The following ADCY9 variants were observed in gnomAD, a reference collection of about 807,000 sequenced individuals.
ADCY9 encodes adenylate cyclase 9.
In ADCY9, 50 loss-of-function variants were observed where a neutral mutation model predicts 101.5. That is an observed-to-expected ratio of 0.49 (90% CI 0.39 to 0.62). ADCY9 has a LOEUF of 0.62. Among genes scored for constraint, ADCY9 ranks in the 20% least tolerant of loss-of-function variants. The pLI, the probability that ADCY9 is intolerant of heterozygous loss-of-function variation, is 0.00. For missense variants in ADCY9, 1,662 were observed against 1,800.4 expected (o/e 0.92, Z 1.39); for synonymous variants, 905 against 769.3 (o/e 1.18, Z -2.92).
chr16:3,969,529 A>G (rs61455471), intron 10 of ADCY9, among the ~76,000 whole-genome samples: 16,060 of 131,228 alleles, frequency 0.12, 2,372 homozygotes, highest in African/African-American at 0.34. Flanking sequence ...GTGAGCCACC[A>G]CACCTGGCTG....
intron 2 of ADCY9, among the ~76,000 whole-genome samples, chr16:4,101,936 C>A (rs926821869): frequency 2.6e-5 from 4 of 152,134 alleles, no homozygotes; most frequent in African/African-American, 9.7e-5. Flanking sequence ...CCAAGTTCGG[C>A]AGCTAGAGTT....
In ADCY9 at chr16:4,114,080, G is replaced by C; in HGVS notation, c.1363C>G (p.Arg455Gly). The change falls in exon 2 of 11, where the codon CGG becomes GGG. Residue 455 changes from arginine to glycine, a missense_variant. By Grantham distance (125) the Arg-to-Gly change is moderately radical. Around this residue, in one of 5 missense-constraint regions of ADCY9, gnomAD observed 228 missense variants for 301.1 expected, o/e 0.76. Transcript: ENST00000294016. The surrounding 1 kb of genome is among the most constrained non-coding windows in gnomAD (Gnocchi z 4.3). ...YYCVAGCPEPRADHAYCCIEM... is the reference protein window; with the variant it reads ...YYCVAGCPEPGADHAYCCIEM... Reference sequence around the variant, plus strand: ...ATGCAGCAGTAGGCATGGTCGGCCCGGGGCTCGGGACAGCCCGCCACGCAG... The same window carrying C: ...ATGCAGCAGTAGGCATGGTCGGCCCCGGGCTCGGGACAGCCCGCCACGCAG... 6.2e-7 allele frequency: 1 copy of C among 1,613,784 alleles called. No homozygotes were observed. Among genetic ancestry groups the C allele is most frequent in the Non-Finnish European group, 8.5e-7 (1 of 1,180,022 alleles).
intron 2 of ADCY9, among the ~76,000 whole-genome samples, chr16:4,009,716 A>C (rs919962416): frequency 2.0e-5 from 3 of 152,244 alleles, no homozygotes; most frequent in Admixed American, 2.0e-4. Context: ...GAGTGAAGCC[A>C]TCTTTATACT....
At chr16:4,061,632 A>G (rs2056774009) in intron 2 of ADCY9, among the ~76,000 whole-genome samples, 1 of 152,212 alleles carries the variant, frequency 6.6e-6, no homozygotes, top group African/African-American at 2.4e-5. Context: ...CCCCAAAACT[A>G]ACAAGTAGAA....
rs558992104 is a variant in ADCY9 at position 4,002,135 on chromosome 16, G to T, written c.1884+5233C>A. Among the ~76,000 whole-genome samples, 5 of 152,210 alleles carry T rather than the reference G, an allele frequency of 3.3e-5. No homozygotes were observed. The East Asian group carries it at 7.7e-4, about 23-fold the overall frequency. ...CCCATTTAAAGTATATAACTCCAGGGTTTATAGCATATTCACAGGGATGTG... is the reference window on the plus strand; with the variant it reads ...CCCATTTAAAGTATATAACTCCAGGTTTTATAGCATATTCACAGGGATGTG... On this transcript the variant is annotated intron_variant, in intron 3 of 10. Transcript: ENST00000294016.
At chr16:4,063,694 G>C (rs188608242) in intron 2 of ADCY9, among the ~76,000 whole-genome samples, 1 of 150,914 alleles carries the variant, frequency 6.6e-6, no homozygotes, top group Non-Finnish European at 1.5e-5. Flanking sequence ...CCTGGGCCAC[G>C]GGGCGAGATC....
Position 4,113,817 on chromosome 16 carries a change from C to T in ADCY9, c.1626G>A (p.Arg542=). 2 of 1,614,172 alleles carry T rather than the reference C, an allele frequency of 1.2e-6. No homozygotes were observed. Among genetic ancestry groups the T allele is most frequent in the African/African-American group, 1.3e-5 (1 of 75,042 alleles). Residue 542 remains arginine (R), a synonymous_variant, in exon 2 of 11, where the codon CGG becomes CGA. Transcript: ENST00000294016. ...SEATAKYLDD[R]YEMEDGKVIE... is the part of the protein sequence containing the mutation. The stretch of plus-strand genomic sequence containing the variant: ...TAACTTTCCCATCTTCCATTTCGTA[C>T]CGGTCATCTAAGTATTTTGCGGTGG...
At chr16:4,039,460 T>C (rs1161691554) in intron 2 of ADCY9, among the ~76,000 whole-genome samples, 1 of 151,252 alleles carries the variant, frequency 6.6e-6, no homozygotes, top group Non-Finnish European at 1.5e-5. Flanking sequence ...AGGCAGATGT[T>C]CTGAGGTCAG....
At chr16:4,061,739 A>G (rs973499444) in intron 2 of ADCY9, among the ~76,000 whole-genome samples, 3 of 152,254 alleles carry the variant, frequency 2.0e-5, no homozygotes, top group African/African-American at 7.2e-5. Flanking sequence ...ATGAAAGAAA[A>G]AAACACCAGA....
At chr16:4,032,546 G>A (rs1465708762) in intron 2 of ADCY9, among the ~76,000 whole-genome samples, 1 of 136,736 alleles carries the variant, frequency 7.3e-6, no homozygotes, top group Non-Finnish European at 1.6e-5. Context: ...TTTTGCTCTT[G>A]TTGCCCAGGC....
chr16:4,044,033 T>C (rs1482024146), intron 2 of ADCY9, among the ~76,000 whole-genome samples: 1 of 152,032 alleles, frequency 6.6e-6, no homozygotes, highest in Non-Finnish European at 1.5e-5. Context: ...ACTAGAACCA[T>C]CTAAACTACA....
chr16:4,071,039 C>A (rs1597207428), intron 2 of ADCY9, among the ~76,000 whole-genome samples: 2 of 150,712 alleles, frequency 1.3e-5, no homozygotes, highest in East Asian at 4.0e-4. Flanking sequence ...TACAAAGTAA[C>A]CAAGTAGTAG....
At chr16:3,957,505 G>A (rs1458347487) in intron 5 of ADCY9, among the ~76,000 whole-genome samples, 1 of 152,158 alleles carries the variant, frequency 6.6e-6, no homozygotes, top group Non-Finnish European at 1.5e-5. Flanking sequence ...ATGGCGGAAT[G>A]GGGGTGGAGG....
intron 6 of ADCY9, chr16:3,983,907 A>G (rs1393488599): frequency 6.4e-6 from 1 of 156,598 alleles, no homozygotes; most frequent in Non-Finnish European, 1.4e-5. Flanking sequence ...CCTGGGCAAC[A>G]TAGCGAGACC....
intron 2 of ADCY9, among the ~76,000 whole-genome samples, chr16:4,063,467 G>T (rs2056783856): frequency 6.6e-6 from 1 of 152,100 alleles, no homozygotes; most frequent in Non-Finnish European, 1.5e-5. Context: ...TCAACACTTT[G>T]GAAGGCCAAG....
At chr16:4,077,005 A>C (rs1335407386) in intron 2 of ADCY9, among the ~76,000 whole-genome samples, 2 of 149,984 alleles carry the variant, frequency 1.3e-5, no homozygotes, top group East Asian at 3.9e-4. Flanking sequence ...TGAACCTCAG[A>C]GGTGGACGTT....
chr16:3,968,667 CCT>C (rs1320832065), intron 10 of ADCY9, among the ~76,000 whole-genome samples: 1 of 152,126 alleles, frequency 6.6e-6, no homozygotes, highest in Non-Finnish European at 1.5e-5. Flanking sequence ...CCAGATTCCC[CCT>C]GATGGAACTG....
intron 2 of ADCY9, among the ~76,000 whole-genome samples, chr16:4,071,240 G>A (rs2063169219): frequency 7.0e-6 from 1 of 143,286 alleles, no homozygotes. Flanking sequence ...TGAGGCGGGA[G>A]AATCAATTGA....
In ADCY9 at chr16:3,983,425, G is replaced by C. The variant is rs1434109826; in HGVS notation, c.2326C>G (p.Pro776Ala). The C allele has an allele frequency of 1.9e-6, 3 of 1,605,224 alleles. No homozygotes were observed. The highest frequency in any genetic ancestry group is 1.3e-5 in the African/African-American group (1 of 74,786). The change falls in exon 7 of 11, where the codon CCC becomes GCC. Residue 776 changes from proline (P) to alanine (A), a missense_variant. Physicochemically the swap from Pro to Ala is conservative, Grantham distance 27 (BLOSUM62 -1). This residue lies in a region of ADCY9 where 624 missense variants were observed against 639.1 expected (regional missense o/e 0.98). Transcript: ENST00000294016. ...SYQEEVIKNS[P>A]VKTFASPTFS... ...GTGGGACTAGCAAACGTCTTCACGG[G>C]GGAGTTCTTTATGACCTGTGTGGAG...
Sources: allele counts gnomAD v4.1 joint callset (sites outside exome capture counted in the v4.1 genomes callset), GRCh38; gene constraint gnomAD v4.1.1; regional missense constraint gnomAD v4.1.1; non-coding constraint Gnocchi (gnomAD v3.1); transcripts MANE v1.5; gene names NCBI Gene and HGNC (gene_info 2026-07-23, HGNC 2026-07-21).